NALF1: variants seen among roughly 807,000 people sequenced by gnomAD.
NALF1 encodes the protein NALCN channel auxiliary factor 1.
NALF1 carries 3 observed loss-of-function variants against 48.4 expected under a neutral mutation model. The observed-to-expected ratio is 0.06, with a 90% CI of 0.03 to 0.16. The LOEUF is 0.16. Ranked by LOEUF, NALF1 falls within the 10% of genes least tolerant of loss-of-function variation. The pLI is 1.00. For synonymous variants in NALF1, 262 were observed against 245.7 expected, an observed-to-expected ratio of 1.07 and a Z score of -0.62; for missense variants, 526 against 571.5, an observed-to-expected ratio of 0.92 and a Z score of 0.81.
intron 1 of NALF1, among the ~76,000 whole-genome samples, chr13:107,716,083 C>T (rs1031246377): frequency 6.6e-6 from 1 of 152,108 alleles, no homozygotes; most frequent in African/African-American, 2.4e-5. Context: ...GTAATTCAAA[C>T]CCATTTATGT....
chr13:107,645,398 CTG>C (rs1223460432), intron 1 of NALF1, among the ~76,000 whole-genome samples: 1 of 152,102 alleles, frequency 6.6e-6, no homozygotes, highest in Non-Finnish European at 1.5e-5. Context: ...TCCCCAGAAT[CTG>C]TGAAGATTTT....
chr13:107,549,440 T>C (rs1375881565), intron 1 of NALF1, among the ~76,000 whole-genome samples: 2 of 152,166 alleles, frequency 1.3e-5, no homozygotes, highest in Non-Finnish European at 2.9e-5. Context: ...GATTAATCAA[T>C]ACAAAGGTAT....
At chr13:107,307,566 C>A (rs1339923144) in intron 1 of NALF1, among the ~76,000 whole-genome samples, 1 of 149,908 alleles carries the variant, frequency 6.7e-6, no homozygotes, top group Non-Finnish European at 1.5e-5. Context: ...TCACTGCAAC[C>A]TCCGCCTCCC....
At chr13:107,583,490 T>C (rs1045345120) in intron 1 of NALF1, among the ~76,000 whole-genome samples, 1 of 152,158 alleles carries the variant, frequency 6.6e-6, no homozygotes, top group African/African-American at 2.4e-5. Context: ...TGGCCAATGA[T>C]ATAATGTAGC....
rs141560111 is a variant in NALF1, at chr13:107,547,264, T to C, written c.915+318418A>G. Among the ~76,000 whole-genome samples, 321 of 152,260 alleles carry C rather than the reference T, an allele frequency of 2.1e-3. 1 individual carries two copies. Among genetic ancestry groups the C allele is most frequent in the African/African-American group, 7.0e-3 (291 of 41,544 alleles). On this transcript the variant is annotated intron_variant, in intron 1 of 2. Coordinates refer to ENST00000375915, the MANE Select transcript of NALF1 (RefSeq NM_001080396.3). ...ACAGAGGGTGAAAAAGTTGTTCAGG[T>C]GTTTTCCTGAAAGAAACTGTTCTAT...
At chr13:107,448,024 G>A (rs869053932) in intron 1 of NALF1, among the ~76,000 whole-genome samples, 1 of 152,120 alleles carries the variant, frequency 6.6e-6, no homozygotes, top group African/African-American at 2.4e-5. Context: ...TGACCCCTCT[G>A]CCTTGTGCCT....
At position 107,167,438 on chromosome 13, in the gene NALF1, G is replaced by C. The variant is rs142895260; in HGVS notation, c.*3059C>G. ...TGTTTCTGAGCTTGGGAAAGGAGTC[G>C]TTGCCTATTTGGATCCTCTGCCTGA... On this transcript the variant is annotated 3_prime_UTR_variant, in exon 3 of 3. Transcript: ENST00000375915. 1 of 152,144 alleles carries C rather than the reference G, an allele frequency of 6.6e-6. No individual in the cohort carries two copies. The highest frequency in any genetic ancestry group is 1.5e-5 in the Non-Finnish European group (1 of 68,036). 9.4% of individuals were successfully genotyped at this position (152,144 alleles called of 1,614,324 possible).
chr13:107,372,050 G>T (rs2138965487), intron 1 of NALF1, among the ~76,000 whole-genome samples: 1 of 152,184 alleles, frequency 6.6e-6, no homozygotes, highest in African/African-American at 2.4e-5. Context: ...ACTGTTTTGT[G>T]AACTCCTGCC....
intron 1 of NALF1, among the ~76,000 whole-genome samples, chr13:107,760,251 C>T (rs1359912020): frequency 6.6e-6 from 1 of 152,094 alleles, no homozygotes; most frequent in African/African-American, 2.4e-5. Context: ...GCAAAGAGAA[C>T]TCTGGACGCC....
intron 1 of NALF1, among the ~76,000 whole-genome samples, chr13:107,576,087 G>T (rs77419481): frequency 7.8e-4 from 119 of 152,080 alleles, no homozygotes; most frequent in African/African-American, 2.8e-3. Context: ...CAGAGCAGAG[G>T]GATAAATAAA....
intron 1 of NALF1, among the ~76,000 whole-genome samples, chr13:107,694,556 A>G (rs1262156254): frequency 1.3e-5 from 2 of 152,154 alleles, no homozygotes; most frequent in Non-Finnish European, 2.9e-5. Flanking sequence ...GACCCCACAA[A>G]AAAGTATTTA....
At chr13:107,546,750 T>G (rs2139124841) in intron 1 of NALF1, among the ~76,000 whole-genome samples, 1 of 152,280 alleles carries the variant, frequency 6.6e-6, no homozygotes, top group Admixed American at 6.5e-5. Flanking sequence ...TTTTAGGAAA[T>G]AATACAAATA....
intron 1 of NALF1, among the ~76,000 whole-genome samples, chr13:107,589,741 GA>G (rs1878553049): frequency 6.6e-6 from 1 of 151,942 alleles, no homozygotes; most frequent in African/African-American, 2.4e-5. Context: ...ATTGAATATT[GA>G]TTAAAGTGGT....
intron 1 of NALF1, among the ~76,000 whole-genome samples, chr13:107,858,455 C>T (rs1477249722): frequency 6.6e-6 from 1 of 152,158 alleles, no homozygotes; most frequent in African/African-American, 2.4e-5. Context: ...CTTTGGAAAG[C>T]CAAGGTGGGA....
At position 107,833,523 on chromosome 13, in the gene NALF1, C is replaced by G. The variant is rs1041068789; in HGVS notation, c.915+32159G>C. ...ATTCAAATCTCCCTATCATGAAGTACCAAATATATTTACTTTCTTGGGTGC... is the reference window on the plus strand; with the variant it reads ...ATTCAAATCTCCCTATCATGAAGTAGCAAATATATTTACTTTCTTGGGTGC... On this transcript the variant is annotated intron_variant, in intron 1 of 2. Coordinates refer to ENST00000375915, the MANE Select transcript of NALF1 (RefSeq NM_001080396.3). Among the ~76,000 whole-genome samples, 6 of 152,144 alleles carry G rather than the reference C, an allele frequency of 3.9e-5. No homozygotes were observed. The East Asian group carries it at 1.2e-3, about 29-fold the overall frequency.
chr13:107,344,129 A>T (rs1882732725), intron 1 of NALF1, among the ~76,000 whole-genome samples: 1 of 152,174 alleles, frequency 6.6e-6, no homozygotes, highest in Non-Finnish European at 1.5e-5. Flanking sequence ...GTCTACCAAG[A>T]CTGAACTATG....
chr13:107,429,478 G>C (rs1382483484), intron 1 of NALF1, among the ~76,000 whole-genome samples: 1 of 152,178 alleles, frequency 6.6e-6, no homozygotes, highest in Non-Finnish European at 1.5e-5. Context: ...CTAAGATACT[G>C]TTTAGATAAG....
intron 1 of NALF1, among the ~76,000 whole-genome samples, chr13:107,616,793 T>C (rs755300911): frequency 2.6e-4 from 40 of 152,126 alleles, no homozygotes; most frequent in Non-Finnish European, 4.6e-4. Flanking sequence ...CCACAGTGCA[T>C]TGAGCATGGC....
At chr13:107,521,859 T>A (rs1165009944) in intron 1 of NALF1, among the ~76,000 whole-genome samples, 1 of 152,026 alleles carries the variant, frequency 6.6e-6, no homozygotes, top group African/African-American at 2.4e-5. Context: ...AGGATCTTGG[T>A]GGAGATAGAA....
Sources: allele counts gnomAD v4.1 joint callset (sites outside exome capture counted in the v4.1 genomes callset), GRCh38; gene constraint gnomAD v4.1.1; transcripts MANE v1.5; gene names NCBI Gene and HGNC (gene_info 2026-07-23, HGNC 2026-07-21).